Variants in TEX14 observed in about 807,000 individuals in gnomAD.
TEX14 encodes the protein inactive serine/threonine-protein kinase TEX14.
Under a neutral mutation model 178.6 loss-of-function variants are expected in TEX14, and 168 were observed. The observed-to-expected ratio is 0.94, with a 90% CI of 0.83 to 1.07. The LOEUF (loss-of-function observed/expected upper bound fraction) is 1.07. Ranked by LOEUF, TEX14 falls within the 50% of genes least tolerant of loss-of-function variation. TEX14 has a pLI of 0.00. For missense variants in TEX14, 1,730 were observed against 1,753.6 expected, an observed-to-expected ratio of 0.99 and a Z score of 0.24; for synonymous variants, 626 against 634.1, an observed-to-expected ratio of 0.99 and a Z score of 0.19.
intron 2 of TEX14, among the ~76,000 whole-genome samples, chr17:58,645,544 G>A (rs1226544076): frequency 6.6e-6 from 1 of 152,018 alleles, no homozygotes. Flanking sequence ...ATTTTTAGTA[G>A]AGACAGGGTT....
At chr17:58,586,920 T>C (rs1598360214) in intron 17 of TEX14, among the ~76,000 whole-genome samples, 1 of 152,110 alleles carries the variant, frequency 6.6e-6, no homozygotes, top group African/African-American at 2.4e-5. Context: ...AGTGTGTGAG[T>C]ACACTCTGCA....
chr17:58,621,183 G>T (rs989955432), intron 5 of TEX14, among the ~76,000 whole-genome samples: 1 of 152,160 alleles, frequency 6.6e-6, no homozygotes, highest in Non-Finnish European at 1.5e-5. Context: ...GGAGAAGAGG[G>T]GGCTGCCCAT....
intron 3 of TEX14, 115 bp downstream of exon 3, chr17:58,630,325 G>A: frequency 2.8e-6 from 2 of 717,110 alleles, no homozygotes; most frequent in South Asian, 3.6e-5. Context: ...CAAAGTGCTG[G>A]GATTATAGGT....
intron 25 of TEX14, among the ~76,000 whole-genome samples, chr17:58,570,106 A>G (rs1217945779): frequency 2.0e-5 from 3 of 152,028 alleles, no homozygotes; most frequent in African/African-American, 7.2e-5. Context: ...CTGATACACA[A>G]TATGATCTCA....
At chr17:58,681,575 C>G (rs1000074981) in intron 1 of TEX14, among the ~76,000 whole-genome samples, 3 of 151,496 alleles carry the variant, frequency 2.0e-5, no homozygotes, top group African/African-American at 7.3e-5. Flanking sequence ...GAGGGCTGGT[C>G]GCAGTGGCTC....
chr17:58,621,938 G>A, intron 4 of TEX14, 152 bp from the exon 5 acceptor site: 1 of 871,986 alleles, frequency 1.1e-6, no homozygotes, highest in Admixed American at 3.0e-5. Flanking sequence ...CTAAAGGTAT[G>A]GAATGTTTTC....
At chr17:58,593,435 CTCT>C in intron 15 of TEX14, 117 bp downstream of exon 15, 1 of 760,612 alleles carries the variant, frequency 1.3e-6, no homozygotes, top group Non-Finnish European at 2.2e-6. Context: ...ATCTGCATTA[CTCT>C]TCTTCATCAC....
intron 1 of TEX14, among the ~76,000 whole-genome samples, chr17:58,686,820 C>G (rs2047603671): frequency 7.6e-6 from 1 of 130,956 alleles, no homozygotes; most frequent in South Asian, 2.6e-4. Flanking sequence ...ACATTGACTT[C>G]TTTCTCCTAT....
At position 58,621,736 on chromosome 17, in the gene TEX14, C is replaced by G. The variant is rs1211833580; in HGVS notation, c.468G>C (p.Gln156His). Residue 156 changes from glutamine to histidine, a missense_variant, in exon 5 of 32, where the codon CAG becomes CAC. Gln to His is a conservative substitution (Grantham distance 24). Around this residue, in one of 2 missense-constraint regions of TEX14, gnomAD observed 789 missense variants for 681.2 expected, o/e 1.16. Coordinates refer to ENST00000349033, the MANE Select transcript of TEX14 (RefSeq NM_031272.5). ...RCASHMQAII[Q>H]GFSYDLLKKI... Reference sequence around the variant, plus strand: ...TCTTCAGGAGGTCGTAAGAGAAGCCCTGGATGATGGCCTGCATGTGTGAGG... The same window carrying G: ...TCTTCAGGAGGTCGTAAGAGAAGCCGTGGATGATGGCCTGCATGTGTGAGG... 1 of 1,614,198 alleles carries G rather than the reference C, an allele frequency of 6.2e-7. No individual in the cohort carries two copies. Among genetic ancestry groups the G allele is most frequent in the East Asian group, 2.2e-5 (1 of 44,880 alleles).
intron 20 of TEX14, among the ~76,000 whole-genome samples, chr17:58,577,807 G>C (rs894138219): frequency 3.3e-5 from 5 of 152,202 alleles, no homozygotes; most frequent in Non-Finnish European, 5.9e-5. Context: ...ACAGACGCCA[G>C]GGGGCGTTGA....
At chr17:58,687,633 G>A (rs1255995144) in intron 1 of TEX14, among the ~76,000 whole-genome samples, 2 of 151,812 alleles carry the variant, frequency 1.3e-5, no homozygotes, top group Non-Finnish European at 2.9e-5. Flanking sequence ...GCACCCGGCC[G>A]TGGTCACCAT....
At chr17:58,645,600 C>T (rs1293692294) in intron 2 of TEX14, among the ~76,000 whole-genome samples, 4 of 152,132 alleles carry the variant, frequency 2.6e-5, no homozygotes. Flanking sequence ...CCTCGTGATC[C>T]GCCCGCCTCA....
Position 58,599,472 on chromosome 17 carries a change from T to C in TEX14, c.1873A>G (p.Ile625Val), listed in dbSNP as rs762330192. 6.2e-7 allele frequency: 1 copy of C among 1,614,048 alleles called. No individual in the cohort carries two copies. The highest frequency in any genetic ancestry group is 1.7e-5 in the Admixed American group (1 of 59,996). Residue 625 changes from isoleucine to valine, a missense_variant, in exon 14 of 32, where the codon ATC becomes GTC. By Grantham distance (29) the Ile-to-Val change is conservative. Coordinates refer to ENST00000349033, the MANE Select transcript of TEX14 (RefSeq NM_031272.5). ...PSLCSFEINE[I>V]YSGCLILEDD... ...TCCAAAATCAAGCAGCCTGAGTAGA[T>C]CTCGTTGATTTCGAAACTGCAGAGG...
At chr17:58,620,654 C>T (rs1021172882) in intron 5 of TEX14, among the ~76,000 whole-genome samples, 5 of 152,106 alleles carry the variant, frequency 3.3e-5, no homozygotes, top group Non-Finnish European at 1.5e-5. Flanking sequence ...CCACCACACC[C>T]GGCTAATTTT....
At chr17:58,617,392 A>AT in intron 6 of TEX14, 146 bp downstream of exon 6, 1 of 593,910 alleles carries the variant, frequency 1.7e-6, no homozygotes, top group Admixed American at 2.8e-5. Context: ...ACACTAAGAG[A>AT]TACCTTTCCC....
chr17:58,666,915 G>A (rs2047222848), intron 1 of TEX14, among the ~76,000 whole-genome samples: 1 of 152,064 alleles, frequency 6.6e-6, no homozygotes, highest in Non-Finnish European at 1.5e-5. Flanking sequence ...TCCACCTCCC[G>A]GCGTGACGTC....
intron 2 of TEX14, among the ~76,000 whole-genome samples, chr17:58,642,966 C>T (rs759387201): frequency 5.3e-5 from 8 of 152,176 alleles, no homozygotes; most frequent in Non-Finnish European, 1.2e-4. Context: ...ACATAGCTCA[C>T]TCTGTTCCAA....
chr17:58,598,820 C>G, intron 14 of TEX14, 56 bp downstream of exon 14: 2 of 1,467,654 alleles, frequency 1.4e-6, no homozygotes, highest in Non-Finnish European at 1.8e-6. Flanking sequence ...TTTCCAGCCA[C>G]AACCATTTCT....
rs1017144927 is a variant in TEX14 at position 58,569,576 on chromosome 17, C to G, written c.3818-316G>C. Among the ~76,000 whole-genome samples the G allele has an allele frequency of 6.6e-6, 1 of 152,178 alleles. No homozygotes were observed. The highest frequency in any genetic ancestry group is 2.4e-5 in the African/African-American group (1 of 41,432). ...ACAAATTCTTACTAAGTGGCTCAATCTGGACCAGGGCTGCTGGAGGAATAC... is the reference window on the plus strand; with the variant it reads ...ACAAATTCTTACTAAGTGGCTCAATGTGGACCAGGGCTGCTGGAGGAATAC... On this transcript the variant is annotated intron_variant, in intron 25 of 31. Transcript: ENST00000349033. The surrounding 1 kb of genome is among the most constrained non-coding windows in gnomAD (Gnocchi z 4.1).
Sources: gnomAD v4.1 joint callset for allele counts (sites outside exome capture counted in the v4.1 genomes callset) on GRCh38, gnomAD v4.1.1 for gene constraint, gnomAD v4.1.1 regional missense constraint, Gnocchi (gnomAD v3.1) non-coding constraint, MANE v1.5 for transcripts, NCBI Gene and HGNC (gene_info 2026-07-23, HGNC 2026-07-21) for gene names.